The following PAFAH1B2 variants were observed in gnomAD, a reference collection of about 807,000 sequenced individuals.
PAFAH1B2 encodes platelet-activating factor acetylhydrolase IB subunit alpha2.
PAFAH1B2 carries 8 observed loss-of-function variants against 28.0 expected under a neutral mutation model. The observed-to-expected ratio is 0.29, with a 90% CI of 0.17 to 0.52. The LOEUF (loss-of-function observed/expected upper bound fraction) is 0.52, where lower values mean the gene tolerates loss of function less well. Ranked by LOEUF, PAFAH1B2 falls within the 20% of genes least tolerant of loss-of-function variation. The pLI is 0.97. For missense variants in PAFAH1B2, 190 were observed against 282.6 expected (o/e 0.67, Z 2.35); for synonymous variants, 104 against 103.2 (o/e 1.01, Z -0.05).
chr11:117,157,308 T>A (rs967390494), intron 2 of PAFAH1B2, among the ~76,000 whole-genome samples: 31 of 149,356 alleles, frequency 2.1e-4, no homozygotes, highest in African/African-American at 7.2e-4. Context: ...ATATATAGTT[T>A]GTTTGTTTGT....
At chr11:117,158,444 G>A (rs1956300389) in intron 2 of PAFAH1B2, among the ~76,000 whole-genome samples, 1 of 152,098 alleles carries the variant, frequency 6.6e-6, no homozygotes, top group Non-Finnish European at 1.5e-5. Flanking sequence ...GAAAAGGATT[G>A]AGTCCTAGTT....
At chr11:117,144,748 G>T (rs1955954248) in intron 1 of PAFAH1B2, among the ~76,000 whole-genome samples, 1 of 139,288 alleles carries the variant, frequency 7.2e-6, no homozygotes, top group Non-Finnish European at 1.6e-5. Flanking sequence ...GCCCCGCCCC[G>T]CCCTGCCCTG....
At chr11:117,156,596 G>T (rs1371882518) in intron 2 of PAFAH1B2, among the ~76,000 whole-genome samples, 1 of 152,158 alleles carries the variant, frequency 6.6e-6, no homozygotes, top group Non-Finnish European at 1.5e-5. Flanking sequence ...TTATAGATGT[G>T]TTGTTTTGGT....
At position 117,168,837 on chromosome 11, in the gene PAFAH1B2, C is replaced by CT; in HGVS notation, c.*1139dup. On this transcript the variant is annotated 3_prime_UTR_variant, in exon 6 of 6. Coordinates refer to ENST00000527958, the MANE Select transcript of PAFAH1B2 (RefSeq NM_002572.4). ...AGATGGAGTTTCACTGTTGCCCAGG[C>CT]TGGGGTGCAATGGTGTGATCTTGGC... 2.7e-6 allele frequency: 2 copies of CT among 746,386 alleles called. No individual in the cohort carries two copies. Among genetic ancestry groups the CT allele is most frequent in the Middle Eastern group, 5.9e-4 (1 of 1,698 alleles). 46.2% of individuals were successfully genotyped at this position (746,386 alleles called of 1,614,324 possible).
At chr11:117,171,507 G>A, downstream of PAFAH1B2, 1 of 576,244 alleles carries the variant, frequency 1.7e-6, no homozygotes, top group Non-Finnish European at 3.1e-6. Context: ...TTGCACTCCA[G>A]CCTGGGCAAC....
downstream of PAFAH1B2, among the ~76,000 whole-genome samples, chr11:117,172,398 A>T (rs1177181017): frequency 0.2 from 532 of 2,670 alleles, 16 homozygotes; most frequent in African/African-American, 0.31. Flanking sequence ...ATATATATAT[A>T]TATATATTTT....
chr11:117,160,492 T>G (rs1956349585), intron 3 of PAFAH1B2, among the ~76,000 whole-genome samples: 1 of 152,222 alleles, frequency 6.6e-6, no homozygotes, highest in African/African-American at 2.4e-5. Flanking sequence ...ATTTTTTAAT[T>G]TATTTTTTTG....
At chr11:117,157,954 A>G (rs1295840266) in intron 2 of PAFAH1B2, among the ~76,000 whole-genome samples, 1 of 152,058 alleles carries the variant, frequency 6.6e-6, no homozygotes, top group Non-Finnish European at 1.5e-5. Flanking sequence ...CCTGACCAAC[A>G]TGGTGAAACC....
rs547693909 is a variant in PAFAH1B2 at position 117,152,475 on chromosome 11, G to A, written c.28G>A (p.Ala10Thr). The A allele has an allele frequency of 1.2e-6, 2 of 1,613,906 alleles. No individual in the cohort carries two copies. The highest frequency in any genetic ancestry group is 1.7e-6 in the Non-Finnish European group (2 of 1,179,800). MSQGDSNPA[A>T]IPHAAEDIQG... ...GAGCCAAGGAGACTCAAACCCAGCA[G>A]CTATTCCGCATGCAGCAGAAGATAT... is the stretch of plus-strand genomic sequence containing the variant. Residue 10 changes from alanine to threonine, a missense_variant, in exon 2 of 6, where the codon GCT (alanine) becomes ACT (threonine). Ala to Thr is a moderately conservative substitution (Grantham distance 58, BLOSUM62 0). Transcript: ENST00000527958.
At chr11:117,173,327 G>A (rs921166075), downstream of PAFAH1B2, among the ~76,000 whole-genome samples, 1 of 152,254 alleles carries the variant, frequency 6.6e-6, no homozygotes, top group Middle Eastern at 3.4e-3. Context: ...AGCTTATCTC[G>A]TTTGTCTCTC....
chr11:117,174,989 A>T (rs965249459), downstream of PAFAH1B2: 4 of 1,461,582 alleles, frequency 2.7e-6, no homozygotes, highest in African/African-American at 5.7e-5. Flanking sequence ...AAACTTCATA[A>T]ATCCCCTGTG....
chr11:117,165,927 C>A (rs1374611864), intron 5 of PAFAH1B2, among the ~76,000 whole-genome samples: 2 of 151,830 alleles, frequency 1.3e-5, no homozygotes, highest in African/African-American at 2.4e-5. Context: ...GCAACCTCCG[C>A]CTCCCGGGTT....
chr11:117,167,239 A>G (rs546998342), intron 5 of PAFAH1B2, among the ~76,000 whole-genome samples, 182 bp from the exon 6 acceptor site: 144 of 152,274 alleles, frequency 9.5e-4, no homozygotes, highest in African/African-American at 3.2e-3. Context: ...GAGGAAGGGA[A>G]CCCATGAAAA....
intron 2 of PAFAH1B2, among the ~76,000 whole-genome samples, chr11:117,153,406 T>C (rs576856891): frequency 1.3e-5 from 2 of 152,110 alleles, no homozygotes; most frequent in East Asian, 3.9e-4. Context: ...TTTTTTGAGA[T>C]GGAGTCTCAC....
chr11:117,170,772 A>C lies in PAFAH1B2; in HGVS notation c.*3073A>C. The C allele has an allele frequency of 9.4e-7, 1 of 1,060,468 alleles. No homozygotes were observed. The highest frequency in any genetic ancestry group is 1.1e-6 in the Non-Finnish European group (1 of 876,238). 65.7% of individuals were successfully genotyped at this position (1,060,468 alleles called of 1,614,324 possible). On this transcript the variant is annotated 3_prime_UTR_variant, in exon 6 of 6. Transcript: ENST00000527958. The stretch of plus-strand genomic sequence containing the variant: ...AACTTTATATTTATTGCAGTGAAGA[A>C]GAAACTAAAAATATATGGAAATGAG...
rs1338674142 is a variant in PAFAH1B2 at position 117,168,424 on chromosome 11, C to G, written c.*725C>G. 2 of 1,020,566 alleles carry G rather than the reference C, an allele frequency of 2.0e-6. No individual in the cohort carries two copies. The highest frequency in any genetic ancestry group is 1.8e-5 in the African/African-American group (1 of 55,234). 63.2% of individuals were successfully genotyped at this position (1,020,566 alleles called of 1,614,324 possible). The stretch of plus-strand genomic sequence containing the variant: ...TATTCCCCTTCATGCCCCCCTTTCC[C>G]CTTCATTCCCCCCGCCACCCCGTTT... On this transcript the variant is annotated 3_prime_UTR_variant, in exon 6 of 6. Transcript: ENST00000527958.
At chr11:117,157,065 A>G (rs1238223066) in intron 2 of PAFAH1B2, among the ~76,000 whole-genome samples, 1 of 151,520 alleles carries the variant, frequency 6.6e-6, no homozygotes, top group Non-Finnish European at 1.5e-5. Context: ...GGTAGTTGGT[A>G]CTACAGTACC....
chr11:117,177,251 A>G (rs2030033469), downstream of PAFAH1B2, among the ~76,000 whole-genome samples: 1 of 152,166 alleles, frequency 6.6e-6, no homozygotes, highest in South Asian at 2.1e-4. Flanking sequence ...ATATATATAC[A>G]TTGTAGAACA....
At chr11:117,161,048 C>G in intron 3 of PAFAH1B2, 97 bp from the exon 4 acceptor site, 1 of 781,238 alleles carries the variant, frequency 1.3e-6, no homozygotes, top group Non-Finnish European at 2.1e-6. Flanking sequence ...TCTTTGAATA[C>G]AGAAAAAGGA....
Sources: allele counts gnomAD v4.1 joint callset (sites outside exome capture counted in the v4.1 genomes callset), GRCh38; gene constraint gnomAD v4.1.1; transcripts MANE v1.5; gene names NCBI Gene and HGNC (gene_info 2026-07-23, HGNC 2026-07-21).